The following ATF6 variants were observed in gnomAD, a reference collection of about 807,000 sequenced individuals.
The protein encoded by ATF6 is cyclic AMP-dependent transcription factor ATF-6 alpha.
A neutral mutation model predicts 83.6 loss-of-function variants in ATF6; 53 were observed. The ratio of observed to expected loss-of-function variants is 0.63; its 90% CI spans 0.51 to 0.80. The LOEUF (loss-of-function observed/expected upper bound fraction) is 0.80, where lower values mean the gene tolerates loss of function less well. ATF6 is among the 30% of genes least tolerant of loss of function. The pLI is 0.00. For synonymous variants in ATF6, 288 were observed against 285.8 expected (o/e 1.01, Z -0.08); for missense variants, 744 against 797.9 (o/e 0.93, Z 0.81).
At chr1:161,853,436 C>T in intron 12 of ATF6, 113 bp downstream of exon 12, 2 of 770,196 alleles carry the variant, frequency 2.6e-6, no homozygotes, top group South Asian at 1.5e-5. Context: ...AGCCTCTTCC[C>T]ACTGTCTCCT....
chr1:161,790,942 T>C (rs1684861150), intron 4 of ATF6, among the ~76,000 whole-genome samples: 1 of 152,196 alleles, frequency 6.6e-6, no homozygotes, highest in South Asian at 2.1e-4. Flanking sequence ...AATAAAATTA[T>C]TTTGCTTTTG....
At chr1:161,806,247 G>A (rs1017948741) in intron 7 of ATF6, among the ~76,000 whole-genome samples, 1 of 152,182 alleles carries the variant, frequency 6.6e-6, no homozygotes, top group African/African-American at 2.4e-5. Context: ...TCTTTAAAGG[G>A]CTATTTAGTG....
At chr1:161,773,390 C>A (rs979356463) in intron 1 of ATF6, among the ~76,000 whole-genome samples, 4 of 152,128 alleles carry the variant, frequency 2.6e-5, no homozygotes, top group Admixed American at 1.3e-4. Flanking sequence ...GCCTGCCCAC[C>A]TTGGCCTCCC....
At chr1:161,852,152 G>A (rs1451538213) in intron 11 of ATF6, among the ~76,000 whole-genome samples, 3 of 152,126 alleles carry the variant, frequency 2.0e-5, no homozygotes, top group East Asian at 1.9e-4. Context: ...CTTCCAATTA[G>A]GAAGATAATA....
intron 15 of ATF6, among the ~76,000 whole-genome samples, chr1:161,930,973 A>G (rs915105844): frequency 2.0e-5 from 3 of 151,920 alleles, no homozygotes; most frequent in Non-Finnish European, 4.4e-5. Flanking sequence ...GCTCACTGCA[A>G]CCTTCGCCTC....
chr1:161,942,752 G>A (rs1434695942), intron 15 of ATF6, among the ~76,000 whole-genome samples: 5 of 152,168 alleles, frequency 3.3e-5, no homozygotes, highest in Non-Finnish European at 7.3e-5. Context: ...CTACTACTCC[G>A]ACCTTCCAAT....
At chr1:161,778,078 A>G (rs1046014686) in intron 1 of ATF6, among the ~76,000 whole-genome samples, 166 bp from the exon 2 acceptor site, 12 of 152,234 alleles carry the variant, frequency 7.9e-5, no homozygotes, top group Non-Finnish European at 1.0e-4. Flanking sequence ...AACAACACAT[A>G]AATTGGAAAT....
At chr1:161,802,298 C>T in intron 7 of ATF6, 26 bp downstream of exon 7, 2 of 1,589,462 alleles carry the variant, frequency 1.3e-6, no homozygotes, top group Non-Finnish European at 1.7e-6. Flanking sequence ...TAGTGCTTCT[C>T]TTAATGCCTG....
At chr1:161,828,860 A>G (rs1374619110) in intron 9 of ATF6, among the ~76,000 whole-genome samples, 1 of 152,190 alleles carries the variant, frequency 6.6e-6, no homozygotes, top group African/African-American at 2.4e-5. Flanking sequence ...TTTATAAAAG[A>G]AAGTGTCCAT....
chr1:161,942,920 A>G (rs779291468), intron 15 of ATF6, among the ~76,000 whole-genome samples: 120 of 152,162 alleles, frequency 7.9e-4, no homozygotes, highest in Non-Finnish European at 1.4e-3. Context: ...CAGTGGCGCA[A>G]TCTTGGTTCA....
intron 15 of ATF6, among the ~76,000 whole-genome samples, chr1:161,918,449 G>C (rs1688143504): frequency 6.6e-6 from 1 of 152,048 alleles, no homozygotes; most frequent in South Asian, 2.1e-4. Context: ...TGTCCTATAG[G>C]AAACTATAAT....
chr1:161,873,988 C>G (rs1460940477), intron 14 of ATF6, among the ~76,000 whole-genome samples: 1 of 151,694 alleles, frequency 6.6e-6, no homozygotes, highest in African/African-American at 2.4e-5. Flanking sequence ...TTGTGATAGT[C>G]TAGTTTACTG....
At chr1:161,923,956 A>G (rs1456717540) in intron 15 of ATF6, among the ~76,000 whole-genome samples, 2 of 152,250 alleles carry the variant, frequency 1.3e-5, no homozygotes, top group African/African-American at 2.4e-5. Flanking sequence ...ACTTAAGCCA[A>G]CAGAGTTGGT....
chr1:161,846,341 C>T (rs1045958505), intron 9 of ATF6, 108 bp from the exon 10 acceptor site: 34 of 1,235,142 alleles, frequency 2.8e-5, no homozygotes, highest in East Asian at 2.2e-4. Context: ...ATTTTTGTTA[C>T]GTGCATGGAT....
chr1:161,944,478 A>G (rs1288921666), intron 15 of ATF6, among the ~76,000 whole-genome samples: 1 of 152,186 alleles, frequency 6.6e-6, no homozygotes, highest in Non-Finnish European at 1.5e-5. Context: ...TAATTTGTTC[A>G]GTTCTATGCA....
chr1:161,880,942 A>G (rs773529319), intron 14 of ATF6, among the ~76,000 whole-genome samples: 7 of 152,116 alleles, frequency 4.6e-5, no homozygotes, highest in Non-Finnish European at 7.4e-5. Flanking sequence ...TAGCCATTCT[A>G]ATAGAGGTAT....
chr1:161,887,442 G>T (rs1427044584), intron 14 of ATF6, among the ~76,000 whole-genome samples: 2 of 152,272 alleles, frequency 1.3e-5, no homozygotes, highest in African/African-American at 4.8e-5. Context: ...CCTTGGGCTA[G>T]GTAATGTAAG....
intron 9 of ATF6, among the ~76,000 whole-genome samples, chr1:161,834,915 T>C (rs1686175436): frequency 6.6e-6 from 1 of 152,130 alleles, no homozygotes; most frequent in Admixed American, 6.5e-5. Flanking sequence ...GACAAGAGGT[T>C]ATGCCACCAT....
chr1:161,818,734 G>C (rs1557977108), intron 7 of ATF6, among the ~76,000 whole-genome samples: 1 of 152,202 alleles, frequency 6.6e-6, no homozygotes, highest in Non-Finnish European at 1.5e-5. Flanking sequence ...TGATAAGATT[G>C]GAGGAGTGTG....
Sources: gnomAD v4.1 joint callset for allele counts (sites outside exome capture counted in the v4.1 genomes callset) on GRCh38, gnomAD v4.1.1 for gene constraint, MANE v1.5 for transcripts, NCBI Gene and HGNC (gene_info 2026-07-23, HGNC 2026-07-21) for gene names.